SMARCA2: variants seen among roughly 807,000 people sequenced by gnomAD.
The protein encoded by SMARCA2 is SWI/SNF related BAF chromatin remodeling complex subunit ATPase 2, also known as SWI/SNF-related matrix-associated actin-dependent regulator of chromatin subfamily A member 2.
A neutral mutation model predicts 199.8 loss-of-function variants in SMARCA2; 61 were observed. The ratio of observed to expected loss-of-function variants is 0.31; its 90% CI spans 0.25 to 0.38. The LOEUF is 0.38. SMARCA2 is among the 10% of genes least tolerant of loss of function. The pLI, the probability that SMARCA2 is intolerant of heterozygous loss-of-function variation, is 1.00. For synonymous variants in SMARCA2, 935 were observed against 732.0 expected (o/e 1.28, Z -4.48); for missense variants, 1,344 against 2,012.2 (o/e 0.67, Z 6.35).
intron 1 of SMARCA2, among the ~76,000 whole-genome samples, chr9:2,022,959 A>G (rs1030758209): frequency 1.3e-5 from 2 of 152,262 alleles, no homozygotes; most frequent in Non-Finnish European, 2.9e-5. Context: ...ACTAATGGAC[A>G]TGAGTCTCAG....
intron 28 of SMARCA2, among the ~76,000 whole-genome samples, chr9:2,165,524 T>A (rs369262890): frequency 3.3e-5 from 5 of 152,364 alleles, no homozygotes; most frequent in African/African-American, 9.6e-5. Context: ...GGTCTGTTGC[T>A]ACTGGCCCCC....
intron 6 of SMARCA2, 30 bp downstream of exon 6, chr9:2,054,753 T>C (rs775196668): frequency 5.0e-5 from 80 of 1,611,628 alleles, no homozygotes; most frequent in Non-Finnish European, 6.2e-5. Context: ...GAATCTGAGA[T>C]GTAGGAAATA....
chr9:2,100,481 C>T (rs1012188087), intron 21 of SMARCA2, among the ~76,000 whole-genome samples: 1 of 152,074 alleles, frequency 6.6e-6, no homozygotes, highest in African/African-American at 2.4e-5. Context: ...GCAAGCAGGT[C>T]ACTTGAGGTA....
intron 27 of SMARCA2, among the ~76,000 whole-genome samples, chr9:2,134,164 T>C (rs1824091669): frequency 6.6e-6 from 1 of 152,230 alleles, no homozygotes; most frequent in Admixed American, 6.5e-5. Context: ...TTTTGTGTCT[T>C]GATGACAAGA....
intron 24 of SMARCA2, among the ~76,000 whole-genome samples, chr9:2,114,229 C>T (rs978616907): frequency 4.6e-5 from 7 of 152,194 alleles, no homozygotes; most frequent in Non-Finnish European, 8.8e-5. Context: ...TTACATTCTC[C>T]TCTTTAGAAA....
intron 29 of SMARCA2, among the ~76,000 whole-genome samples, chr9:2,176,813 C>T (rs868331867): frequency 6.6e-6 from 1 of 152,114 alleles, no homozygotes; most frequent in Non-Finnish European, 1.5e-5. Context: ...CTGCCTCAGC[C>T]TCCCATAGGG....
At chr9:2,160,108 G>A (rs991158944) in intron 27 of SMARCA2, 14 of 639,356 alleles carry the variant, frequency 2.2e-5, no homozygotes, top group African/African-American at 1.8e-4. Flanking sequence ...CAAGATATGC[G>A]GGACAATTTC....
chr9:2,174,831 G>T (rs975185681), intron 29 of SMARCA2, among the ~76,000 whole-genome samples: 1 of 148,442 alleles, frequency 6.7e-6, no homozygotes, highest in Non-Finnish European at 1.5e-5. Flanking sequence ...GAGATGGGAG[G>T]ATTGCTTGAG....
intron 32 of SMARCA2, among the ~76,000 whole-genome samples, chr9:2,189,557 G>C (rs1378336740): frequency 6.6e-6 from 1 of 151,968 alleles, no homozygotes; most frequent in Non-Finnish European, 1.5e-5. Flanking sequence ...ATTATGACTG[G>C]CTTCTTTCAT....
intron 3 of SMARCA2, among the ~76,000 whole-genome samples, chr9:2,033,734 C>A (rs1212175966): frequency 5.9e-5 from 9 of 152,216 alleles, no homozygotes. Flanking sequence ...AGAGAAGTAT[C>A]CTTCCTTGCT....
chr9:2,017,313 G>A lies in SMARCA2; in HGVS notation c.-37+1909G>A, dbSNP rs1271355866. On this transcript the variant is annotated intron_variant, in intron 1 of 33. Transcript: ENST00000349721. This position sits in a 1 kb window ranked among gnomAD's most constrained non-coding sequence, Gnocchi z 8.8. ...TGGCAGGGCGGCTAAGTAGGGTGGA[G>A]GGGTGGGAGGGGGCTGCGAGCTCCC... 1 of 152,276 alleles carries A rather than the reference G, an allele frequency of 6.6e-6. No homozygotes were observed. Among genetic ancestry groups the A allele is most frequent in the Non-Finnish European group, 1.5e-5 (1 of 68,288 alleles). 9.4% of individuals were successfully genotyped at this position (152,276 alleles called of 1,614,324 possible).
At chr9:2,152,544 C>T (rs1329960244) in intron 27 of SMARCA2, among the ~76,000 whole-genome samples, 5 of 136,246 alleles carry the variant, frequency 3.7e-5, no homozygotes. Context: ...CAGAGCGAGA[C>T]TCCATCTCAA....
At chr9:2,032,427 A>C (rs1179391298) in intron 2 of SMARCA2, 1 of 152,410 alleles carries the variant, frequency 6.6e-6, no homozygotes, top group Admixed American at 6.5e-5. Flanking sequence ...TTTCCTTTTC[A>C]GTATTCACCC....
At position 2,039,960 on chromosome 9, in the gene SMARCA2, C is replaced by A; in HGVS notation, c.790+60C>A. On this transcript the variant is annotated intron_variant, in intron 4 of 33. Coordinates refer to ENST00000349721, the MANE Select transcript of SMARCA2 (RefSeq NM_003070.5). This position sits in a 1 kb window ranked among gnomAD's most constrained non-coding sequence, Gnocchi z 4.8. ...GGTCCAACTCGGATAACAAAGACTG[C>A]TCACCAAAACACCGGGTTGTTAAAA... The A allele has an allele frequency of 6.3e-7, 1 of 1,590,020 alleles. No individual in the cohort carries two copies.
At position 2,097,408 on chromosome 9, in the gene SMARCA2, T is replaced by C. The variant is rs1822317345; in HGVS notation, c.3015T>C (p.Leu1005=). 6.2e-7 allele frequency: 1 copy of C among 1,611,502 alleles called. No homozygotes were observed. The highest frequency in any genetic ancestry group is 1.3e-5 in the African/African-American group (1 of 74,862). ...AGGGGAAAGGAGGTGCTAAGACACT[T>C]ATGAACACTATTATGCAGTTGAGAA... ...DKKGKGGAKT[L]MNTIMQLRKI... The change falls in exon 21 of 34, where the codon CTT becomes CTC. Residue 1005 remains leucine, a synonymous_variant. Transcript: ENST00000349721.
intron 27 of SMARCA2, chr9:2,158,689 G>C (rs1304668076): frequency 5.5e-6 from 2 of 366,494 alleles, no homozygotes; most frequent in Non-Finnish European, 9.7e-6. Flanking sequence ...CCCCAGCGCT[G>C]AGTTTGAGTC....
At chr9:2,133,387 T>C (rs1824050422) in intron 27 of SMARCA2, among the ~76,000 whole-genome samples, 3 of 152,152 alleles carry the variant, frequency 2.0e-5, no homozygotes. Context: ...GCTCAAGCAG[T>C]CTTCCTGCCT....
intron 24 of SMARCA2, among the ~76,000 whole-genome samples, chr9:2,113,098 T>C (rs1018816159): frequency 7.2e-5 from 11 of 152,200 alleles, no homozygotes; most frequent in African/African-American, 2.7e-4. Flanking sequence ...TTAGCATGCA[T>C]TGAAGAAAAA....
At chr9:2,103,302 G>C (rs1006871528) in intron 22 of SMARCA2, among the ~76,000 whole-genome samples, 1 of 152,128 alleles carries the variant, frequency 6.6e-6, no homozygotes, top group Non-Finnish European at 1.5e-5. Context: ...AGTGAGTGTG[G>C]CTGTGTTCTG....
Sources: allele counts gnomAD v4.1 joint callset (sites outside exome capture counted in the v4.1 genomes callset), GRCh38; gene constraint gnomAD v4.1.1; non-coding constraint Gnocchi (gnomAD v3.1); transcripts MANE v1.5; gene names NCBI Gene and HGNC (gene_info 2026-07-23, HGNC 2026-07-21).